Variants in MYRF observed in about 807,000 individuals in gnomAD.
The protein encoded by MYRF is myelin gene regulatory factor.
A neutral mutation model predicts 126.3 loss-of-function variants in MYRF; 16 were observed. That is an observed-to-expected ratio of 0.13 (90% confidence interval 0.09 to 0.19). The LOEUF (loss-of-function observed/expected upper bound fraction) is 0.19. MYRF is among the 10% of genes least tolerant of loss of function. MYRF has a pLI of 1.00. For missense variants in MYRF, 1,104 were observed against 1,547.0 expected (o/e 0.71, Z 4.80); for synonymous variants, 608 against 635.3 (o/e 0.96, Z 0.65).
rs2066561306 is a variant in MYRF at position 61,781,843 on chromosome 11, A to C, written c.3016+19A>C. On this transcript the variant is annotated intron_variant, in intron 22 of 26. Coordinates refer to ENST00000278836, the MANE Select transcript of MYRF (RefSeq NM_001127392.3). The stretch of plus-strand genomic sequence containing the variant: ...CAGTCAGGTACTTGCTGCACCCCTG[A>C]CACTACCCAGCCCAGCCTGGCAAGG... The C allele has an allele frequency of 1.3e-6, 2 of 1,519,410 alleles. No individual in the cohort carries two copies. The highest frequency in any genetic ancestry group is 1.8e-6 in the Non-Finnish European group (2 of 1,140,570). 94.1% of individuals were successfully genotyped at this position (1,519,410 alleles called of 1,614,324 possible).
At position 61,787,596 on chromosome 11, in the gene MYRF, T is replaced by C. The variant is rs1031652474; in HGVS notation, c.*1453T>C. 1.3e-5 allele frequency: 2 copies of C among 152,750 alleles called. No homozygotes were observed. The highest frequency in any genetic ancestry group is 4.8e-5 in the African/African-American group (2 of 41,436). The allele number at this position is 152,750 out of a possible 1,614,324, so 9.5% of individuals were successfully genotyped here. Reference sequence around the variant, plus strand: ...ATGAACTGCAGGCCCCCTTTTGCCATTGATCTCAAAGCACTTGTCCTCAGG... The same window carrying C: ...ATGAACTGCAGGCCCCCTTTTGCCACTGATCTCAAAGCACTTGTCCTCAGG... On this transcript the variant is annotated 3_prime_UTR_variant, in exon 27 of 27. Transcript: ENST00000278836.
At chr11:61,753,193 C>T (rs142792935) in intron 1 of MYRF, among the ~76,000 whole-genome samples, 266 of 152,210 alleles carry the variant, frequency 1.7e-3, no homozygotes, top group African/African-American at 6.2e-3. Flanking sequence ...CCCAGACCCC[C>T]GGTGTGCCTT....
At chr11:61,758,200 C>G (rs1246351387) in intron 1 of MYRF, among the ~76,000 whole-genome samples, 1 of 152,168 alleles carries the variant, frequency 6.6e-6, no homozygotes, top group East Asian at 1.9e-4. Flanking sequence ...CCCTGTGCCC[C>G]AGGTCGCATC....
chr11:61,758,072 G>A (rs1007457137), intron 1 of MYRF, among the ~76,000 whole-genome samples: 2 of 142,870 alleles, frequency 1.4e-5, no homozygotes, highest in Non-Finnish European at 3.1e-5. Flanking sequence ...TAGATCCCAC[G>A]AGTGCCAAGG....
intron 3 of MYRF, 72 bp downstream of exon 3, chr11:61,766,293 C>T: frequency 1.4e-6 from 2 of 1,462,010 alleles, no homozygotes; most frequent in Non-Finnish European, 1.8e-6. Context: ...TGGCCGTGAC[C>T]TGGGAGGTGC....
chr11:61,761,334 C>T (rs897543123), intron 1 of MYRF, among the ~76,000 whole-genome samples: 9 of 152,084 alleles, frequency 5.9e-5, no homozygotes, highest in Non-Finnish European at 1.3e-4. Flanking sequence ...TGGGCCCCTG[C>T]CTGCTCTCAT....
intron 1 of MYRF, among the ~76,000 whole-genome samples, chr11:61,753,688 A>G (rs539923014): frequency 1.3e-5 from 2 of 151,152 alleles, no homozygotes; most frequent in South Asian, 4.2e-4. Context: ...GGTGGAATTG[A>G]CATACACCCC....
Position 61,780,294 on chromosome 11 carries a change from G to T in MYRF, c.2405+4G>T, listed in dbSNP as rs1296012719. Reference sequence around the variant, plus strand: ...AGGACCTGGTAGACACTGATGGGTAGGTTCCTGGAGGCCAAGCCAAGCTGC... The same window carrying T: ...AGGACCTGGTAGACACTGATGGGTATGTTCCTGGAGGCCAAGCCAAGCTGC... On this transcript the variant is annotated splice_donor_region_variant and intron_variant, in intron 18 of 26. Coordinates refer to ENST00000278836, the MANE Select transcript of MYRF (RefSeq NM_001127392.3). 1 of 1,609,900 alleles carries T rather than the reference G, an allele frequency of 6.2e-7. No individual in the cohort carries two copies. The highest frequency in any genetic ancestry group is 1.1e-5 in the South Asian group (1 of 90,430).
At chr11:61,758,519 C>T (rs2065820311) in intron 1 of MYRF, among the ~76,000 whole-genome samples, 1 of 152,170 alleles carries the variant, frequency 6.6e-6, no homozygotes, top group Non-Finnish European at 1.5e-5. Context: ...GAGGTGGGAG[C>T]TCTTCCTGGG....
intron 25 of MYRF, chr11:61,784,973 T>C (rs2066656691): frequency 6.5e-6 from 1 of 152,834 alleles, no homozygotes; most frequent in Non-Finnish European, 1.5e-5. Context: ...GTAGTGATTA[T>C]TTTTTCTTGC....
Position 61,783,503 on chromosome 11 carries a change from C to T in MYRF, c.3022C>T (p.Leu1008Phe), listed in dbSNP as rs764644854. ...CCTTACTCCTGCCCCAACAGCCTCTCTCCTTGCAGAGCCAGTGCCCTCCCT... is the reference window on the plus strand; with the variant it reads ...CCTTACTCCTGCCCCAACAGCCTCTTTCCTTGCAGAGCCAGTGCCCTCCCT... ...PTWAQGQSASLLAEPVPSLTS... is the reference protein window; with the variant it reads ...PTWAQGQSASFLAEPVPSLTS... Residue 1008 changes from leucine to phenylalanine, a missense_variant, in exon 23 of 27, where the codon CTC (leucine) becomes TTC (phenylalanine). By Grantham distance (22) the Leu-to-Phe change is conservative. Coordinates refer to ENST00000278836, the MANE Select transcript of MYRF (RefSeq NM_001127392.3). The surrounding 1 kb of genome is among the most constrained non-coding windows in gnomAD (Gnocchi z 4.6). 5.6e-6 allele frequency: 9 copies of T among 1,613,426 alleles called. No homozygotes were observed. Among genetic ancestry groups the T allele is most frequent in the Non-Finnish European group, 7.6e-6 (9 of 1,179,816 alleles).
rs2066599554 is a variant in MYRF at position 61,783,230 on chromosome 11, C to T, written c.3017-268C>T. 1 of 350,560 alleles carries T rather than the reference C, an allele frequency of 2.9e-6. No individual in the cohort carries two copies. Among genetic ancestry groups the T allele is most frequent in the African/African-American group, 2.1e-5 (1 of 48,672 alleles). 21.7% of individuals were successfully genotyped at this position (350,560 alleles called of 1,614,324 possible). A position where few individuals can be genotyped will look rare whatever the true frequency, so the allele number is the denominator to read the frequency against. On this transcript the variant is annotated intron_variant, in intron 22 of 26. Transcript: ENST00000278836. The surrounding 1 kb of genome is among the most constrained non-coding windows in gnomAD (Gnocchi z 4.6). ...CACAGGCCTCGAGCGGGCTCCTGCA[C>T]ACCTGGCAGGGGATGTGAAGACCCA...
chr11:61,780,885 C>G, intron 19 of MYRF, 75 bp from the exon 20 acceptor site: 1 of 1,589,098 alleles, frequency 6.3e-7, no homozygotes, highest in Non-Finnish European at 8.6e-7. Flanking sequence ...GCCCTCCTGC[C>G]TCTCCAGGAC....
chr11:61,784,216 G>C (rs2066629541), intron 24 of MYRF, 64 bp from the exon 25 acceptor site: 2 of 1,465,472 alleles, frequency 1.4e-6, no homozygotes, highest in African/African-American at 1.4e-5. Flanking sequence ...CAGGCTGGCT[G>C]GGAGGGGGCT....
At chr11:61,780,637 G>A (rs1243628646) in intron 18 of MYRF, 75 bp from the exon 19 acceptor site, 5 of 1,436,202 alleles carry the variant, frequency 3.5e-6, no homozygotes, top group Non-Finnish European at 4.8e-6. Flanking sequence ...CCAGCTCCTG[G>A]GGCCACCTCT....
Position 61,777,491 on chromosome 11 carries a change from C to A in MYRF, c.1791+27C>A. On this transcript the variant is annotated intron_variant, in intron 12 of 26. Transcript: ENST00000278836. This position sits in a 1 kb window ranked among gnomAD's most constrained non-coding sequence, Gnocchi z 8.8. ...TGGGGACAGGGCTGTGGGGGCCGGG[C>A]GGGTCCAGACGCTGGAGCGGGCCGC... 4 of 1,124,210 alleles carry A rather than the reference C, an allele frequency of 3.6e-6. No homozygotes were observed. The highest frequency in any genetic ancestry group is 2.4e-6 in the Non-Finnish European group (2 of 834,776). The allele number at this position is 1,124,210 out of a possible 1,614,324, so 69.6% of individuals were successfully genotyped here. A position where few individuals can be genotyped will look rare whatever the true frequency, so the allele number is the denominator to read the frequency against.
rs202221463 is a variant in MYRF, at chr11:61,785,783, C to A, written c.3301-17C>A. ...AGGGCAGCAGTCTGTCCTGACCCCT[C>A]TCTCCCTTCTCTCCAGGGCACCTCT... On this transcript the variant is annotated splice_polypyrimidine_tract_variant and intron_variant, in intron 25 of 26. Transcript: ENST00000278836. 24 of 1,611,750 alleles carry A rather than the reference C, an allele frequency of 1.5e-5. No individual in the cohort carries two copies. Among genetic ancestry groups the A allele is most frequent in the Middle Eastern group, 1.6e-4 (1 of 6,082 alleles).
At chr11:61,769,212 CAGAAGCTCAGCT>C in intron 3 of MYRF, 36 bp from the exon 4 acceptor site, 3 of 1,158,330 alleles carry the variant, frequency 2.6e-6, no homozygotes, top group Non-Finnish European at 2.5e-6. Flanking sequence ...AGCTGGAAGG[CAGAAGCTCAGCT>C]GCTCACCCCC....
At position 61,778,342 on chromosome 11, in the gene MYRF, A is replaced by AC. The variant is rs532340985; in HGVS notation, c.1904-31dup. ...ACAAAGCTGTGAGTAGCCCTTTACC[A>AC]CCCCCCCACCCATCTTTGGCTTGTC... On this transcript the variant is annotated intron_variant, in intron 13 of 26. Coordinates refer to ENST00000278836, the MANE Select transcript of MYRF (RefSeq NM_001127392.3). This position sits in a 1 kb window ranked among gnomAD's most constrained non-coding sequence, Gnocchi z 4.6. 2,388 of 1,326,248 alleles carry AC rather than the reference A, an allele frequency of 1.8e-3. 11 individuals are homozygous for AC. The highest frequency in any genetic ancestry group is 2.9e-3 in the Admixed American group (173 of 59,136). 82.2% of individuals were successfully genotyped at this position (1,326,248 alleles called of 1,614,324 possible).
Sources: allele counts gnomAD v4.1 joint callset (sites outside exome capture counted in the v4.1 genomes callset), GRCh38; gene constraint gnomAD v4.1.1; non-coding constraint Gnocchi (gnomAD v3.1); transcripts MANE v1.5; gene names NCBI Gene and HGNC (gene_info 2026-07-23, HGNC 2026-07-21).